TAFA1: variants seen among roughly 807,000 people sequenced by gnomAD.
TAFA1 encodes the protein chemokine-like protein TAFA-1.
TAFA1 carries 4 observed loss-of-function variants against 18.5 expected under a neutral mutation model. The ratio of observed to expected loss-of-function variants is 0.22; its 90% CI spans 0.11 to 0.49. The LOEUF (loss-of-function observed/expected upper bound fraction) is 0.49. TAFA1 is among the 20% of genes least tolerant of loss of function. TAFA1 has a pLI of 0.98. For synonymous variants in TAFA1, 56 were observed against 55.2 expected (o/e 1.01, Z -0.06); for missense variants, 147 against 169.0 (o/e 0.87, Z 0.72).
intron 2 of TAFA1, among the ~76,000 whole-genome samples, chr3:68,195,402 A>G (rs2066398235): frequency 6.8e-6 from 1 of 148,066 alleles, no homozygotes; most frequent in African/African-American, 2.5e-5. Flanking sequence ...GACTTCTTGT[A>G]TATAGGTGCT....
intron 3 of TAFA1, among the ~76,000 whole-genome samples, chr3:68,532,770 T>G (rs2073209512): frequency 6.6e-6 from 1 of 152,144 alleles, no homozygotes; most frequent in East Asian, 1.9e-4. Context: ...TCAGTTTGGG[T>G]GAAGAGGAGG....
intron 2 of TAFA1, among the ~76,000 whole-genome samples, chr3:68,379,560 T>C (rs1224393474): frequency 6.6e-6 from 1 of 152,182 alleles, no homozygotes; most frequent in Non-Finnish European, 1.5e-5. Context: ...CATCATGAAA[T>C]CTTTGCCTGT....
chr3:68,541,573 G>A (rs2073375121), intron 4 of TAFA1, among the ~76,000 whole-genome samples: 1 of 151,060 alleles, frequency 6.6e-6, no homozygotes, highest in Admixed American at 6.6e-5. Flanking sequence ...TTGTTCTGCT[G>A]TTATCAAAGA....
chr3:68,156,673 G>A (rs542409413), intron 2 of TAFA1, among the ~76,000 whole-genome samples: 1 of 152,100 alleles, frequency 6.6e-6, no homozygotes, highest in Admixed American at 6.5e-5. Flanking sequence ...TTTGAATTGG[G>A]TATTTAACAA....
rs868484464 is a variant in TAFA1, at chr3:68,119,334, T to G, written c.118+112590T>G. Among the ~76,000 whole-genome samples the G allele has an allele frequency of 7.2e-5, 11 of 152,290 alleles. No individual in the cohort carries two copies. In the South Asian group the frequency reaches 1.7e-3, roughly 23 times the overall value. On this transcript the variant is annotated intron_variant, in intron 2 of 4. Transcript: ENST00000478136. ...AAATATTTTCTCTCATTCCATACAT[T>G]GCCTTTCCACTCTTGATTTTTTTCC...
At chr3:68,413,530 A>G (rs750057217) in intron 2 of TAFA1, among the ~76,000 whole-genome samples, 4 of 152,232 alleles carry the variant, frequency 2.6e-5, no homozygotes, top group Non-Finnish European at 5.9e-5. Flanking sequence ...AATGGAAATA[A>G]CAATAGTTCT....
chr3:68,337,106 C>T (rs763332108), intron 2 of TAFA1, among the ~76,000 whole-genome samples: 1 of 152,028 alleles, frequency 6.6e-6, no homozygotes, highest in African/African-American at 2.4e-5. Flanking sequence ...AGTCTGTTCT[C>T]ACACTTCTTT....
At chr3:68,164,987 CTTCT>C (rs952127139) in intron 2 of TAFA1, among the ~76,000 whole-genome samples, 90 of 152,288 alleles carry the variant, frequency 5.9e-4, no homozygotes, top group African/African-American at 2.0e-3. Flanking sequence ...AATCCTCTTC[CTTCT>C]ATGTTGTGAA....
Position 68,277,395 on chromosome 3 carries a change from C to T in TAFA1, c.119-139885C>T, listed in dbSNP as rs183137472. The stretch of plus-strand genomic sequence containing the variant: ...AGGATCCTTCTGGCTTTCTATTGTG[C>T]CACTTCTAAGCATGGAACCATTGGT... On this transcript the variant is annotated intron_variant, in intron 2 of 4. Transcript: ENST00000478136. Among the ~76,000 whole-genome samples, 242 of 152,190 alleles carry T rather than the reference C, an allele frequency of 1.6e-3. 1 individual carries two copies. Among genetic ancestry groups the T allele is most frequent in the African/African-American group, 5.6e-3 (233 of 41,544 alleles).
At chr3:68,199,175 C>T (rs2066445607) in intron 2 of TAFA1, among the ~76,000 whole-genome samples, 1 of 151,476 alleles carries the variant, frequency 6.6e-6, no homozygotes, top group Non-Finnish European at 1.5e-5. Flanking sequence ...GATCAGTTGA[C>T]TATATCTATT....
intron 2 of TAFA1, among the ~76,000 whole-genome samples, chr3:68,378,468 CT>C (rs1367150363): frequency 6.6e-6 from 1 of 152,146 alleles, no homozygotes; most frequent in Non-Finnish European, 1.5e-5. Context: ...AACTAATTTG[CT>C]TTTGATTTTT....
intron 3 of TAFA1, among the ~76,000 whole-genome samples, chr3:68,535,892 T>C (rs2073272048): frequency 6.6e-6 from 1 of 152,172 alleles, no homozygotes; most frequent in South Asian, 2.1e-4. Flanking sequence ...ATAACATTCA[T>C]TAGTGATTGG....
At chr3:68,502,579 T>C in intron 3 of TAFA1, among the ~76,000 whole-genome samples, 1 of 152,196 alleles carries the variant, frequency 6.6e-6, no homozygotes, top group Non-Finnish European at 1.5e-5. Context: ...ACTACCAATA[T>C]AGCAGATTAT....
At chr3:68,530,143 A>C (rs2073169897) in intron 3 of TAFA1, among the ~76,000 whole-genome samples, 1 of 152,202 alleles carries the variant, frequency 6.6e-6, no homozygotes, top group South Asian at 2.1e-4. Flanking sequence ...ATGTTTTGAT[A>C]AACATTTGCT....
chr3:68,372,038 T>A (rs537679825), intron 2 of TAFA1, among the ~76,000 whole-genome samples: 1 of 152,196 alleles, frequency 6.6e-6, no homozygotes, highest in Non-Finnish European at 1.5e-5. Flanking sequence ...GGGCCAAACT[T>A]TGTAGGCAGT....
intron 2 of TAFA1, among the ~76,000 whole-genome samples, chr3:68,023,065 G>A (rs911204306): frequency 9.3e-5 from 14 of 151,058 alleles, no homozygotes; most frequent in Admixed American, 4.0e-4. Flanking sequence ...GGTAAAGCCA[G>A]TATTTGAACT....
Position 68,036,134 on chromosome 3 carries a change from G to T in TAFA1, c.118+29390G>T, listed in dbSNP as rs181328548. On this transcript the variant is annotated intron_variant, in intron 2 of 4. Coordinates refer to ENST00000478136, the MANE Select transcript of TAFA1 (RefSeq NM_213609.4). ...TGAATTTGTTGAAACTCATGAAACA[G>T]TTCACCAAAAGGAAGGAATTTTACA... Among the ~76,000 whole-genome samples the T allele has an allele frequency of 4.9e-3, 744 of 152,236 alleles. 6 individuals are homozygous for T. The highest frequency in any genetic ancestry group is 0.016 in the South Asian group (75 of 4,818).
At chr3:68,516,343 G>A (rs2072919953) in intron 3 of TAFA1, among the ~76,000 whole-genome samples, 1 of 152,158 alleles carries the variant, frequency 6.6e-6, no homozygotes, top group African/African-American at 2.4e-5. Flanking sequence ...ATACTAGATT[G>A]ATGACTTCTC....
chr3:68,171,918 C>A (rs1372984328), intron 2 of TAFA1, among the ~76,000 whole-genome samples: 1 of 151,520 alleles, frequency 6.6e-6, no homozygotes, highest in African/African-American at 2.4e-5. Context: ...ATGAAGAAAA[C>A]AAAATGAGGG....
Sources: allele counts gnomAD v4.1 joint callset (sites outside exome capture counted in the v4.1 genomes callset), GRCh38; gene constraint gnomAD v4.1.1; transcripts MANE v1.5; gene names NCBI Gene and HGNC (gene_info 2026-07-23, HGNC 2026-07-21).